The following SPOCK1 variants were observed in gnomAD, a reference collection of about 807,000 sequenced individuals.
SPOCK1 encodes testican-1.
A neutral mutation model predicts 55.3 loss-of-function variants in SPOCK1; 23 were observed. The observed-to-expected ratio is 0.42, with a 90% CI of 0.30 to 0.59. The LOEUF (loss-of-function observed/expected upper bound fraction) is 0.59. Among genes scored for constraint, SPOCK1 ranks in the 20% least tolerant of loss-of-function variants. The probability of loss-of-function intolerance (pLI) is 0.22; values close to 1 mark genes in which losing one functional copy is unlikely to be tolerated. For missense variants in SPOCK1, 499 were observed against 552.5 expected (o/e 0.90, Z 0.97); for synonymous variants, 226 against 221.0 (o/e 1.02, Z -0.20).
chr5:137,303,091 G>A (rs2961634), intron 2 of SPOCK1, among the ~76,000 whole-genome samples: 128,683 of 152,130 alleles, frequency 0.85, 54,607 homozygotes, highest in African/African-American at 0.9. Context: ...GAAGAATCAC[G>A]GGACTCTGAT....
chr5:137,337,778 C>T (rs1039431961), intron 2 of SPOCK1, among the ~76,000 whole-genome samples: 1 of 152,214 alleles, frequency 6.6e-6, no homozygotes, highest in Non-Finnish European at 1.5e-5. Context: ...TAAACAAAGA[C>T]GTTTTTGAGT....
intron 3 of SPOCK1, among the ~76,000 whole-genome samples, chr5:137,224,044 C>T (rs2127089388): frequency 6.6e-6 from 1 of 152,328 alleles, no homozygotes; most frequent in South Asian, 2.1e-4. Flanking sequence ...CTGCAACACT[C>T]TAACATTATA....
At chr5:137,075,227 G>A (rs1752734101) in intron 5 of SPOCK1, among the ~76,000 whole-genome samples, 1 of 152,198 alleles carries the variant, frequency 6.6e-6, no homozygotes, top group South Asian at 2.1e-4. Context: ...ATAGCCAGGG[G>A]AAGAAAATTT....
intron 2 of SPOCK1, among the ~76,000 whole-genome samples, chr5:137,268,127 T>C (rs939443442): frequency 1.3e-5 from 2 of 152,176 alleles, no homozygotes; most frequent in African/African-American, 2.4e-5. Context: ...TCTGACACGA[T>C]CTCCTGTGAA....
chr5:137,360,685 A>G (rs1750922472), intron 2 of SPOCK1, among the ~76,000 whole-genome samples: 1 of 152,190 alleles, frequency 6.6e-6, no homozygotes, highest in African/African-American at 2.4e-5. Flanking sequence ...CACAGTAACT[A>G]CTAATTTCTT....
intron 6 of SPOCK1, among the ~76,000 whole-genome samples, chr5:137,001,115 C>T (rs977017557): frequency 6.6e-6 from 1 of 152,212 alleles, no homozygotes; most frequent in Non-Finnish European, 1.5e-5. Context: ...ACTTTTTAAT[C>T]TTCAGTTTCC....
chr5:137,250,721 A>C (rs1406576628), intron 3 of SPOCK1, among the ~76,000 whole-genome samples: 1 of 152,206 alleles, frequency 6.6e-6, no homozygotes, highest in Non-Finnish European at 1.5e-5. Flanking sequence ...CGGAGAAAGG[A>C]AGTAAATGAA....
intron 3 of SPOCK1, among the ~76,000 whole-genome samples, chr5:137,264,861 TCTCAG>T (rs1439898603): frequency 6.6e-6 from 1 of 152,222 alleles, no homozygotes; most frequent in Non-Finnish European, 1.5e-5. Context: ...TGAAGGCTAT[TCTCAG>T]CTCTGCCTGT....
intron 3 of SPOCK1, among the ~76,000 whole-genome samples, chr5:137,218,065 A>G (rs2127085929): frequency 6.6e-6 from 1 of 152,320 alleles, no homozygotes; most frequent in African/African-American, 2.4e-5. Flanking sequence ...ATGGCTAATC[A>G]ATTACAGAAT....
At chr5:137,185,098 G>A (rs974869555) in intron 3 of SPOCK1, among the ~76,000 whole-genome samples, 1 of 152,178 alleles carries the variant, frequency 6.6e-6, no homozygotes, top group Non-Finnish European at 1.5e-5. Context: ...CAAACAAAAG[G>A]AGGAACAGGG....
chr5:137,171,843 C>T (rs750673773), intron 3 of SPOCK1, among the ~76,000 whole-genome samples: 8 of 152,114 alleles, frequency 5.3e-5, no homozygotes, highest in African/African-American at 1.2e-4. Context: ...TCAGTATCCT[C>T]GTACCTTTCT....
intron 3 of SPOCK1, among the ~76,000 whole-genome samples, chr5:137,170,513 C>T (rs768199770): frequency 4.0e-5 from 6 of 151,866 alleles, no homozygotes; most frequent in Non-Finnish European, 7.4e-5. Flanking sequence ...GGTTAGATGA[C>T]GTCATGAAGT....
At chr5:137,056,784 G>A (rs1340732772) in intron 6 of SPOCK1, among the ~76,000 whole-genome samples, 1 of 151,966 alleles carries the variant, frequency 6.6e-6, no homozygotes, top group African/African-American at 2.4e-5. Flanking sequence ...ACATAGTAAG[G>A]CCAAGGAGTC....
chr5:137,180,646 C>T (rs1464976800), intron 3 of SPOCK1, among the ~76,000 whole-genome samples: 1 of 152,162 alleles, frequency 6.6e-6, no homozygotes, highest in African/African-American at 2.4e-5. Context: ...AAGGACATCT[C>T]AGCTATGGCC....
intron 2 of SPOCK1, among the ~76,000 whole-genome samples, chr5:137,293,768 G>A (rs1757421064): frequency 6.6e-6 from 1 of 152,232 alleles, no homozygotes; most frequent in Admixed American, 6.5e-5. Context: ...TGTAATCCCA[G>A]CACTTTGGGA....
intron 6 of SPOCK1, among the ~76,000 whole-genome samples, chr5:136,997,590 T>C (rs1243869550): frequency 2.0e-4 from 31 of 152,210 alleles, no homozygotes; most frequent in Admixed American, 2.0e-3. Flanking sequence ...ATCTCTCTTC[T>C]GTATCTGCTC....
chr5:137,073,785 T>C (rs939148081), intron 5 of SPOCK1, among the ~76,000 whole-genome samples: 16 of 152,230 alleles, frequency 1.1e-4, no homozygotes, highest in Admixed American at 2.0e-4. Context: ...AAAAGGACCA[T>C]TTAATATTTG....
rs569520182 is a variant in SPOCK1, at chr5:137,467,385, G to C, written c.186+30988C>G. 2.6e-5 allele frequency among the ~76,000 whole-genome samples: 4 copies of C among 152,314 alleles called. No homozygotes were observed. In the South Asian group the frequency reaches 8.3e-4, roughly 32 times the overall value. ...TGAAAAGCCAAAGTCTTCACGATGA[G>C]CTTCCAACTCTTCCTTTCCTTCTTT... On this transcript the variant is annotated intron_variant, in intron 2 of 10. Transcript: ENST00000394945.
intron 4 of SPOCK1, among the ~76,000 whole-genome samples, chr5:137,118,499 C>A (rs1404404581): frequency 6.6e-6 from 1 of 152,182 alleles, no homozygotes; most frequent in Admixed American, 6.5e-5. Flanking sequence ...TGACCTCCCC[C>A]ACAGGGGACA....
Sources: gnomAD v4.1 joint callset for allele counts (sites outside exome capture counted in the v4.1 genomes callset) on GRCh38, gnomAD v4.1.1 for gene constraint, MANE v1.5 for transcripts, NCBI Gene and HGNC (gene_info 2026-07-23, HGNC 2026-07-21) for gene names.